Variants in AJAP1 observed in about 807,000 individuals in gnomAD.
AJAP1 encodes adherens junction-associated protein 1.
AJAP1 carries 5 observed loss-of-function variants against 35.0 expected under a neutral mutation model. That is an observed-to-expected ratio of 0.14 (90% CI 0.07 to 0.30). The LOEUF (loss-of-function observed/expected upper bound fraction) is 0.30, where lower values mean the gene tolerates loss of function less well. Among genes scored for constraint, AJAP1 ranks in the 10% least tolerant of loss-of-function variants. The pLI, the probability that AJAP1 is intolerant of heterozygous loss-of-function variation, is 1.00. For missense variants in AJAP1, 586 were observed against 571.0 expected (o/e 1.03, Z -0.27); for synonymous variants, 284 against 249.3 (o/e 1.14, Z -1.31).
rs965611423 is a variant in AJAP1, at chr1:4,785,540, A to G, written c.*3055A>G. 6.6e-6 allele frequency: 1 copy of G among 152,116 alleles called. No homozygotes were observed. Among genetic ancestry groups the G allele is most frequent in the East Asian group, 1.9e-4 (1 of 5,182 alleles). 9.4% of individuals were successfully genotyped at this position (152,116 alleles called of 1,614,324 possible). A position where few individuals can be genotyped will look rare whatever the true frequency, so the allele number is the denominator to read the frequency against. ...CAGCCCCACCCACGGTGAAGTCTGC[A>G]CCAGAGCACAGACTTGTCCTACTTC... On this transcript the variant is annotated 3_prime_UTR_variant, in exon 6 of 6. Coordinates refer to ENST00000378191, the MANE Select transcript of AJAP1 (RefSeq NM_018836.4).
chr1:4,738,962 G>A (rs948177262), intron 2 of AJAP1, among the ~76,000 whole-genome samples: 4 of 152,122 alleles, frequency 2.6e-5, no homozygotes, highest in South Asian at 4.1e-4. Flanking sequence ...TGGGAAGGGC[G>A]TGGGGGCACA....
chr1:4,739,661 T>A (rs1323149317), intron 2 of AJAP1, among the ~76,000 whole-genome samples: 1 of 152,220 alleles, frequency 6.6e-6, no homozygotes, highest in African/African-American at 2.4e-5. Context: ...GAGCATATTT[T>A]TAAAAGGAGA....
rs896103724 is a variant in AJAP1, at chr1:4,720,067, G to A, written c.829+7368G>A. ...CTTAAAAGGCTGCCCTGTGAATCCTGCTGGTAGAAAAAACATCACCCGCAT... is the reference window on the plus strand; with the variant it reads ...CTTAAAAGGCTGCCCTGTGAATCCTACTGGTAGAAAAAACATCACCCGCAT... On this transcript the variant is annotated intron_variant, in intron 2 of 5. Coordinates refer to ENST00000378191, the MANE Select transcript of AJAP1 (RefSeq NM_018836.4). The surrounding 1 kb of genome is among the most constrained non-coding windows in gnomAD (Gnocchi z 4.4). Among the ~76,000 whole-genome samples, 3 of 152,200 alleles carry A rather than the reference G, an allele frequency of 2.0e-5. No individual in the cohort carries two copies. The highest frequency in any genetic ancestry group is 4.4e-5 in the Non-Finnish European group (3 of 68,040).
At chr1:4,738,300 C>T (rs1176176363) in intron 2 of AJAP1, among the ~76,000 whole-genome samples, 6 of 152,184 alleles carry the variant, frequency 3.9e-5, no homozygotes, top group East Asian at 3.9e-4. Context: ...CAAATAAATG[C>T]GTAATTGTCA....
At chr1:4,771,368 A>C (rs1379607894) in intron 3 of AJAP1, among the ~76,000 whole-genome samples, 2 of 152,154 alleles carry the variant, frequency 1.3e-5, no homozygotes, top group Non-Finnish European at 2.9e-5. Context: ...CAAGACTTAG[A>C]AGGAGACGGG....
At chr1:4,676,421 G>A (rs925894301) in intron 1 of AJAP1, among the ~76,000 whole-genome samples, 3 of 152,140 alleles carry the variant, frequency 2.0e-5, no homozygotes, top group South Asian at 2.1e-4. Context: ...TGAAGCTTCC[G>A]GTCCAGCTGG....
Position 4,712,435 on chromosome 1 carries a change from G to C in AJAP1, c.565G>C (p.Glu189Gln), listed in dbSNP as rs201071684. The C allele has an allele frequency of 6.2e-7, 1 of 1,605,718 alleles. No homozygotes were observed. Among genetic ancestry groups the C allele is most frequent in the South Asian group, 1.1e-5 (1 of 89,466 alleles). The change falls in exon 2 of 6, where the codon GAG (glutamate) becomes CAG (glutamine). Residue 189 changes from glutamate to glutamine, a missense_variant. Coordinates refer to ENST00000378191, the MANE Select transcript of AJAP1 (RefSeq NM_018836.4). ...EFIAWGPTGD[E>Q]EALESNTFPG... ...CATCGCCTGGGGGCCCACGGGGGACGAGGAGGCCCTGGAGTCCAACACATT... is the reference window on the plus strand; with the variant it reads ...CATCGCCTGGGGGCCCACGGGGGACCAGGAGGCCCTGGAGTCCAACACATT...
At chr1:4,695,257 G>A (rs375498985) in intron 1 of AJAP1, among the ~76,000 whole-genome samples, 46 of 152,292 alleles carry the variant, frequency 3.0e-4, no homozygotes, top group East Asian at 1.2e-3. Context: ...GGTGGGCTGC[G>A]ATGGCTGGAG....
chr1:4,756,743 TCTGGAGGCCTCTCAAAC>T (rs1329479483), intron 2 of AJAP1, among the ~76,000 whole-genome samples: 6 of 152,244 alleles, frequency 3.9e-5, no homozygotes, highest in African/African-American at 2.4e-5. Flanking sequence ...AAGTTTGCTT[TCTGGAGGCCTCTCAAAC>T]CTGAGCTTTG....
chr1:4,663,041 C>T (rs1175189424), intron 1 of AJAP1, among the ~76,000 whole-genome samples: 2 of 152,120 alleles, frequency 1.3e-5, no homozygotes, highest in Non-Finnish European at 2.9e-5. Context: ...GGCAGCCGTG[C>T]CTCCCCCTTC....
intron 1 of AJAP1, among the ~76,000 whole-genome samples, chr1:4,711,630 G>C (rs1270321493): frequency 1.3e-5 from 2 of 152,172 alleles, no homozygotes; most frequent in Non-Finnish European, 2.9e-5. Flanking sequence ...TTCGGCGACC[G>C]GCCGGCTCTG....
intron 1 of AJAP1, among the ~76,000 whole-genome samples, chr1:4,658,477 T>C (rs1040106481): frequency 2.0e-5 from 3 of 152,198 alleles, no homozygotes; most frequent in Non-Finnish European, 2.9e-5. Flanking sequence ...AAACGCGCAG[T>C]CCACAAACAT....
At position 4,783,489 on chromosome 1, in the gene AJAP1, A is replaced by ATATATATATATGTTTGTGTGTG. The variant is rs1642108030; in HGVS notation, c.*1015_*1016insGTTTGTGTGTGTATATATATAT. On this transcript the variant is annotated 3_prime_UTR_variant, in exon 6 of 6. Transcript: ENST00000378191. ...TGTGTGTGTATATATATATATATAT[A>ATATATATATATGTTTGTGTGTG]TATATATATATATATATATATGTTT... 7.4e-6 allele frequency: 1 copy of ATATATATATATGTTTGTGTGTG among 135,212 alleles called. No homozygotes were observed. Among genetic ancestry groups the ATATATATATATGTTTGTGTGTG allele is most frequent in the African/African-American group, 2.9e-5 (1 of 34,858 alleles). The allele number at this position is 135,212 out of a possible 1,614,324, so 8.4% of individuals were successfully genotyped here.
chr1:4,742,543 G>A (rs779847716), intron 2 of AJAP1, among the ~76,000 whole-genome samples: 9 of 152,118 alleles, frequency 5.9e-5, no homozygotes, highest in Admixed American at 1.3e-4. Flanking sequence ...GGGAATCAGG[G>A]TTGGGGGCTC....
rs1460357658 is a variant in AJAP1, at chr1:4,782,810, C to T, written c.*325C>T. ...AACCAGAGGCAGAGAGACGAGGATA[C>T]CCAGCGAAAGGGACGGGAGGAAGCA... On this transcript the variant is annotated 3_prime_UTR_variant, in exon 6 of 6. Coordinates refer to ENST00000378191, the MANE Select transcript of AJAP1 (RefSeq NM_018836.4). This position sits in a 1 kb window ranked among gnomAD's most constrained non-coding sequence, Gnocchi z 5.3. The T allele has an allele frequency of 2.5e-6, 1 of 398,622 alleles. No homozygotes were observed. 24.7% of individuals were successfully genotyped at this position (398,622 alleles called of 1,614,324 possible).
Position 4,772,469 on chromosome 1 carries a change from CGATGA to C in AJAP1, c.1110_1114del (p.Glu371AlafsTer13). On this transcript the variant is annotated frameshift_variant, in exon 4 of 6. Coordinates refer to ENST00000378191, the MANE Select transcript of AJAP1 (RefSeq NM_018836.4). LOFTEE classifies it high-confidence loss of function. ...TCAGGGCATCTGTGCCCGTGTACAC[CGATGA>C]GACGCTGCACTCGACGACGGGGGAG... 6.2e-7 allele frequency: 1 copy of C among 1,614,210 alleles called. No individual in the cohort carries two copies. The highest frequency in any genetic ancestry group is 8.5e-7 in the Non-Finnish European group (1 of 1,180,048).
At chr1:4,713,984 G>A (rs1640330970) in intron 2 of AJAP1, among the ~76,000 whole-genome samples, 1 of 152,182 alleles carries the variant, frequency 6.6e-6, no homozygotes, top group Non-Finnish European at 1.5e-5. Context: ...CCTGGCCCTG[G>A]TTCCTCCTCA....
intron 2 of AJAP1, among the ~76,000 whole-genome samples, chr1:4,741,768 A>C (rs1387640981): frequency 2.6e-5 from 4 of 152,166 alleles, no homozygotes; most frequent in African/African-American, 7.2e-5. Flanking sequence ...TCATTGGGTA[A>C]ATGGCTGATT....
At chr1:4,740,508 G>A (rs914052712) in intron 2 of AJAP1, among the ~76,000 whole-genome samples, 31 of 152,076 alleles carry the variant, frequency 2.0e-4, no homozygotes, top group African/African-American at 7.0e-4. Flanking sequence ...GTGGCTGGCC[G>A]GGCACGGTGG....
Sources: gnomAD v4.1 joint callset for allele counts (sites outside exome capture counted in the v4.1 genomes callset) on GRCh38, gnomAD v4.1.1 for gene constraint, Gnocchi (gnomAD v3.1) non-coding constraint, MANE v1.5 for transcripts, NCBI Gene and HGNC (gene_info 2026-07-23, HGNC 2026-07-21) for gene names.